Variants in IGSF3 observed in about 807,000 individuals in gnomAD.
IGSF3 encodes immunoglobulin superfamily member 3.
Under a neutral mutation model 114.4 loss-of-function variants are expected in IGSF3, and 23 were observed. The ratio of observed to expected loss-of-function variants is 0.20; its 90% confidence interval spans 0.14 to 0.28. IGSF3 has a LOEUF of 0.28. Ranked by LOEUF, IGSF3 falls within the 10% of genes least tolerant of loss-of-function variation. IGSF3 has a pLI of 1.00. For missense variants in IGSF3, 1,172 were observed against 1,591.5 expected, an observed-to-expected ratio of 0.74 and a Z score of 4.48; for synonymous variants, 571 against 645.2, an observed-to-expected ratio of 0.88 and a Z score of 1.74.
rs1291132845 is a variant in IGSF3, at chr1:116,617,376, G to A, written c.44-919C>T. On this transcript the variant is annotated intron_variant, in intron 2 of 10. Coordinates refer to ENST00000369486, the MANE Select transcript of IGSF3 (RefSeq NM_001007237.3). Reference sequence around the variant, plus strand: ...CCTGAGCCACTCAGAAGGCGGGAGGGGGCACAACCCTGCCTCTTCATTTCG... The same window carrying A: ...CCTGAGCCACTCAGAAGGCGGGAGGAGGCACAACCCTGCCTCTTCATTTCG... The A allele has an allele frequency of 7.1e-6, 7 of 985,186 alleles. No individual in the cohort carries two copies. In the African/African-American group the frequency reaches 1.0e-4, roughly 15 times the overall value. The allele number at this position is 985,186 out of a possible 1,614,324, so 61.0% of individuals were successfully genotyped here.
intron 8 of IGSF3, among the ~76,000 whole-genome samples, chr1:116,587,795 G>C (rs190127933): frequency 6.6e-6 from 1 of 152,260 alleles, no homozygotes; most frequent in African/African-American, 2.4e-5. Flanking sequence ...CAGCACAAGC[G>C]AAGGCACGGA....
In IGSF3 at chr1:116,656,570, G is replaced by A. The variant is rs533631656; in HGVS notation, c.43+9714C>T. 1.5e-4 allele frequency among the ~76,000 whole-genome samples: 23 copies of A among 151,948 alleles called. No homozygotes were observed. In the South Asian group the frequency reaches 3.1e-3, roughly 21 times the overall value. ...CTCCCAAAGTGCTGGGATTACAGGC[G>A]TGACTTTCTACATTCTTGTAACAGA... On this transcript the variant is annotated intron_variant, in intron 2 of 10. Coordinates refer to ENST00000369486, the MANE Select transcript of IGSF3 (RefSeq NM_001007237.3).
chr1:116,603,555 C>A lies in IGSF3; in HGVS notation c.1624+69G>T. ...TGCTAAAACTCTGACTGAGAAAAGT[C>A]AGGATAAGGTGTTTGACACTGAAGC... On this transcript the variant is annotated intron_variant, in intron 6 of 10. Coordinates refer to ENST00000369486, the MANE Select transcript of IGSF3 (RefSeq NM_001007237.3). This position sits in a 1 kb window ranked among gnomAD's most constrained non-coding sequence, Gnocchi z 7.1. 6.8e-7 allele frequency: 1 copy of A among 1,473,232 alleles called. No individual in the cohort carries two copies. Among genetic ancestry groups the A allele is most frequent in the Non-Finnish European group, 9.3e-7 (1 of 1,076,916 alleles). The allele number at this position is 1,473,232 out of a possible 1,614,324, so 91.3% of individuals were successfully genotyped here.
Position 116,614,316 on chromosome 1 carries a change from A to G in IGSF3, c.422-141T>C, listed in dbSNP as rs1661137060. The G allele has an allele frequency of 1.5e-6, 1 of 663,546 alleles. No individual in the cohort carries two copies. Among genetic ancestry groups the G allele is most frequent in the African/African-American group, 1.8e-5 (1 of 55,100 alleles). The allele number at this position is 663,546 out of a possible 1,614,324, so 41.1% of individuals were successfully genotyped here. On this transcript the variant is annotated intron_variant, in intron 3 of 10. Transcript: ENST00000369486. The surrounding 1 kb of genome is among the most constrained non-coding windows in gnomAD (Gnocchi z 4.5). ...TTGAACCATCGATTCAAGGCCACAG[A>G]CAGCCCCAAATGCACATAAACAGAA...
At chr1:116,617,727 A>G (rs1661275720) in intron 2 of IGSF3, among the ~76,000 whole-genome samples, 1 of 152,224 alleles carries the variant, frequency 6.6e-6, no homozygotes, top group Non-Finnish European at 1.5e-5. Flanking sequence ...AGACCCTACC[A>G]CAGAGCCTAG....
chr1:116,587,822 G>A (rs995106547), intron 8 of IGSF3, among the ~76,000 whole-genome samples: 1 of 152,132 alleles, frequency 6.6e-6, no homozygotes, highest in Non-Finnish European at 1.5e-5. Flanking sequence ...GCTCTGGGTG[G>A]CAACACAGCA....
At position 116,650,673 on chromosome 1, in the gene IGSF3, ATCTGTG is replaced by A. The variant is rs748411910; in HGVS notation, c.43+15605_43+15610del. On this transcript the variant is annotated intron_variant, in intron 2 of 10. Coordinates refer to ENST00000369486, the MANE Select transcript of IGSF3 (RefSeq NM_001007237.3). This position sits in a 1 kb window ranked among gnomAD's most constrained non-coding sequence, Gnocchi z 5.0. The stretch of plus-strand genomic sequence containing the variant: ...CCACAGGCAGGGACCAATACCACAT[ATCTGTG>A]TTTCCCCTCACTTGCCACCCCCATC... Among the ~76,000 whole-genome samples the A allele has an allele frequency of 3.3e-5, 5 of 152,192 alleles. No individual in the cohort carries two copies. Among genetic ancestry groups the A allele is most frequent in the Non-Finnish European group, 7.3e-5 (5 of 68,034 alleles).
chr1:116,623,443 T>G (rs1661479425), intron 2 of IGSF3, among the ~76,000 whole-genome samples: 1 of 151,932 alleles, frequency 6.6e-6, no homozygotes, highest in South Asian at 2.1e-4. Flanking sequence ...CCCAGCACTT[T>G]GGGAGGCCAA....
At chr1:116,617,952 A>G (rs180905079) in intron 2 of IGSF3, among the ~76,000 whole-genome samples, 393 of 152,346 alleles carry the variant, frequency 2.6e-3, no homozygotes, top group African/African-American at 9.1e-3. Context: ...CACAAATGGG[A>G]ATGGCGGCTG....
Position 116,625,725 on chromosome 1 carries a change from T to C in IGSF3, c.44-9268A>G, listed in dbSNP as rs1481441822. Among the ~76,000 whole-genome samples, 1 of 152,212 alleles carries C rather than the reference T, an allele frequency of 6.6e-6. No individual in the cohort carries two copies. Among genetic ancestry groups the C allele is most frequent in the Admixed American group, 6.5e-5 (1 of 15,282 alleles). On this transcript the variant is annotated intron_variant, in intron 2 of 10. Coordinates refer to ENST00000369486, the MANE Select transcript of IGSF3 (RefSeq NM_001007237.3). The surrounding 1 kb of genome is among the most constrained non-coding windows in gnomAD (Gnocchi z 4.7). ...TTAAATCCAAGGACAAAAATATCAT[T>C]CATTCACTCTTTCATTCTTTCTCTT...
In IGSF3 at chr1:116,603,007, T is replaced by G. The variant is rs1340626438; in HGVS notation, c.1624+617A>C. ...GAAACTTCTAGCCTTAGGCAAAGTA[T>G]TTAATGTGTCTCAGTCTCAGTTTCC... is the stretch of plus-strand genomic sequence containing the variant. On this transcript the variant is annotated intron_variant, in intron 6 of 10. Coordinates refer to ENST00000369486, the MANE Select transcript of IGSF3 (RefSeq NM_001007237.3). This position sits in a 1 kb window ranked among gnomAD's most constrained non-coding sequence, Gnocchi z 7.1. Among the ~76,000 whole-genome samples the G allele has an allele frequency of 6.6e-6, 1 of 152,342 alleles. No homozygotes were observed. Among genetic ancestry groups the G allele is most frequent in the South Asian group, 2.1e-4 (1 of 4,830 alleles).
At chr1:116,652,273 T>C (rs141562006) in intron 2 of IGSF3, among the ~76,000 whole-genome samples, 4,054 of 152,288 alleles carry the variant, frequency 0.027, 173 homozygotes, top group African/African-American at 0.092. Flanking sequence ...CATAAACAAT[T>C]GGTGCACTAA....
chr1:116,591,743 A>G (rs965181141), intron 7 of IGSF3, among the ~76,000 whole-genome samples: 5 of 152,138 alleles, frequency 3.3e-5, no homozygotes, highest in African/African-American at 1.2e-4. Flanking sequence ...ATCTCCACAT[A>G]TAATTAGGGA....
rs144424068 is a variant in IGSF3, at chr1:116,584,771, C to T, written c.2722G>A (p.Val908Met). 38 of 1,614,114 alleles carry T rather than the reference C, an allele frequency of 2.4e-5. No individual in the cohort carries two copies. The highest frequency in any genetic ancestry group is 5.3e-5 in the African/African-American group (4 of 74,938). The change falls in exon 9 of 11, where the codon GTG (valine) becomes ATG (methionine). Residue 908 changes from valine (V) to methionine (M), a missense_variant. Around this residue, in one of 3 missense-constraint regions of IGSF3, gnomAD observed 423 missense variants for 509.8 expected, o/e 0.83. Coordinates refer to ENST00000369486, the MANE Select transcript of IGSF3 (RefSeq NM_001007237.3). The surrounding 1 kb of genome is among the most constrained non-coding windows in gnomAD (Gnocchi z 5.8). ...PGVYRLFIQN[V>M]AVQDSGTYSC... ...TAGGTCCCGCTGTCCTGCACAGCCA[C>T]GTTCTGGATGAAGAGACGGTACACG...
At chr1:116,617,065 T>C (rs1661248448) in intron 2 of IGSF3, among the ~76,000 whole-genome samples, 1 of 152,106 alleles carries the variant, frequency 6.6e-6, no homozygotes, top group African/African-American at 2.4e-5. Flanking sequence ...TGCTATCGTT[T>C]TAAGCTGAGC....
chr1:116,645,862 C>T (rs1335999233), intron 2 of IGSF3, among the ~76,000 whole-genome samples: 1 of 152,178 alleles, frequency 6.6e-6, no homozygotes, highest in Non-Finnish European at 1.5e-5. Context: ...CTGGGGAGAA[C>T]CAGGACAGCG....
At chr1:116,613,222 A>G (rs1294084311) in intron 4 of IGSF3, among the ~76,000 whole-genome samples, 1 of 152,248 alleles carries the variant, frequency 6.6e-6, no homozygotes, top group African/African-American at 2.4e-5. Context: ...TATGTGATAA[A>G]GCATTTTGGA....
chr1:116,604,351 T>C (rs1355839972), intron 5 of IGSF3, among the ~76,000 whole-genome samples: 2 of 152,180 alleles, frequency 1.3e-5, no homozygotes, highest in Admixed American at 1.3e-4. Flanking sequence ...ATTTATTGGG[T>C]AATCTATTCA....
chr1:116,667,071 C>T (rs563937415), intron 1 of IGSF3, 115 bp from the exon 2 acceptor site: 2 of 383,190 alleles, frequency 5.2e-6, no homozygotes, highest in East Asian at 7.7e-5. Context: ...GACAGTCAAC[C>T]TCTGCATTCT....
Sources: allele counts gnomAD v4.1 joint callset (sites outside exome capture counted in the v4.1 genomes callset), GRCh38; gene constraint gnomAD v4.1.1; regional missense constraint gnomAD v4.1.1; non-coding constraint Gnocchi (gnomAD v3.1); transcripts MANE v1.5; gene names NCBI Gene and HGNC (gene_info 2026-07-23, HGNC 2026-07-21).